SLC22A8: variants seen among roughly 807,000 people sequenced by gnomAD.
SLC22A8 encodes the protein solute carrier family 22 member 8, also known as organic anion transporter 3.
Under a neutral mutation model 48.4 loss-of-function variants are expected in SLC22A8, and 40 were observed. That is an observed-to-expected ratio of 0.83 (90% CI 0.64 to 1.08). The LOEUF is 1.08. Among genes scored for constraint, SLC22A8 ranks in the 50% least tolerant of loss-of-function variants. The probability of loss-of-function intolerance (pLI) is 0.00; values close to 1 mark genes in which losing one functional copy is unlikely to be tolerated. For missense variants in SLC22A8, 606 were observed against 699.0 expected, an observed-to-expected ratio of 0.87 and a Z score of 1.50; for synonymous variants, 268 against 286.3, an observed-to-expected ratio of 0.94 and a Z score of 0.65.
At chr11:62,994,475 G>T in intron 8 of SLC22A8, 67 bp downstream of exon 8, 1 of 1,217,434 alleles carries the variant, frequency 8.2e-7, no homozygotes, top group Non-Finnish European at 1.2e-6. Flanking sequence ...AGAGCCAGCA[G>T]TGAAGTCCCT....
At chr11:62,995,471 T>G (rs2086404864) in intron 7 of SLC22A8, 3 of 549,300 alleles carry the variant, frequency 5.5e-6, no homozygotes, top group Non-Finnish European at 6.5e-6. Flanking sequence ...GTCCTGTGGG[T>G]GAGGGGTGGG....
At chr11:63,003,616 T>G (rs2086522881) in intron 2 of SLC22A8, among the ~76,000 whole-genome samples, 1 of 152,228 alleles carries the variant, frequency 6.6e-6, no homozygotes, top group Admixed American at 6.5e-5. Context: ...TTCACCTAAA[T>G]TCATTCACCC....
Position 62,995,822 on chromosome 11 carries a change from T to A in SLC22A8, c.886-3A>T. 6.2e-7 allele frequency: 1 copy of A among 1,610,272 alleles called. No homozygotes were observed. On this transcript the variant is annotated splice_region_variant and splice_polypyrimidine_tract_variant and intron_variant, in intron 6 of 10. Coordinates refer to ENST00000336232, the MANE Select transcript of SLC22A8 (RefSeq NM_004254.4). ...TTCTGCAGGTTGAGTTTGAGCTCCT[T>A]CGGGCAGAGGAGGGGGAGGGGTGCC...
intron 2 of SLC22A8, among the ~76,000 whole-genome samples, chr11:63,001,378 C>T (rs1044504703): frequency 6.6e-5 from 10 of 152,180 alleles, no homozygotes; most frequent in African/African-American, 2.2e-4. Flanking sequence ...ATCCTTTGAA[C>T]GAGGAGCTGT....
intron 2 of SLC22A8, among the ~76,000 whole-genome samples, chr11:63,003,712 A>G (rs2086523828): frequency 6.6e-6 from 1 of 152,158 alleles, no homozygotes; most frequent in African/African-American, 2.4e-5. Flanking sequence ...TGTGAGTAGA[A>G]GAGATGTATG....
At position 62,995,756 on chromosome 11, in the gene SLC22A8, G is replaced by A; in HGVS notation, c.949C>T (p.Leu317=). The A allele has an allele frequency of 6.2e-7, 1 of 1,614,184 alleles. No homozygotes were observed. ...LAKAKYTASD[L]FRIPMLRRMT... ...CGGCGCAGCATGGGTATCCGGAACA[G>A]GTCACTTGCGGTGTACTTGGCCTTG... Residue 317 remains leucine, a synonymous_variant, in exon 7 of 11, where the codon CTG becomes TTG. Coordinates refer to ENST00000336232, the MANE Select transcript of SLC22A8 (RefSeq NM_004254.4).
In SLC22A8 at chr11:62,992,969, G is replaced by T; in HGVS notation, c.*268C>A. 1.9e-6 allele frequency: 1 copy of T among 513,188 alleles called. No individual in the cohort carries two copies. Among genetic ancestry groups the T allele is most frequent in the Non-Finnish European group, 3.4e-6 (1 of 290,256 alleles). 31.8% of individuals were successfully genotyped at this position (513,188 alleles called of 1,614,324 possible). ...GGGGACCTCAGGGGAAGAGGACCGG[G>T]ACAGTGGGGGAAGGTGGCCAGTGGG... On this transcript the variant is annotated 3_prime_UTR_variant, in exon 11 of 11. Coordinates refer to ENST00000336232, the MANE Select transcript of SLC22A8 (RefSeq NM_004254.4).
chr11:63,004,378 C>T lies in SLC22A8; in HGVS notation c.334-3555G>A, dbSNP rs904191588. 2.6e-5 allele frequency among the ~76,000 whole-genome samples: 4 copies of T among 152,222 alleles called. No homozygotes were observed. The East Asian group carries it at 7.7e-4, about 29-fold the overall frequency. On this transcript the variant is annotated intron_variant, in intron 2 of 10. Coordinates refer to ENST00000336232, the MANE Select transcript of SLC22A8 (RefSeq NM_004254.4). ...GTCACCTCTCTGCTCTTACCTGCTA[C>T]TGCCCTCTCCCTCACATACTCCACT...
intron 5 of SLC22A8, among the ~76,000 whole-genome samples, chr11:62,996,477 C>T (rs899976444): frequency 6.6e-6 from 1 of 152,206 alleles, no homozygotes; most frequent in African/African-American, 2.4e-5. Context: ...GAGGGGATGG[C>T]ATGTTCAAGG....
At chr11:63,010,135 C>G (rs1315225259) in intron 2 of SLC22A8, among the ~76,000 whole-genome samples, 1 of 152,228 alleles carries the variant, frequency 6.6e-6, no homozygotes, top group Non-Finnish European at 1.5e-5. Context: ...TGCTGTGTGC[C>G]AGGCCCTGGG....
Position 62,993,581 on chromosome 11 carries a change from T to C in SLC22A8, c.1372A>G (p.Met458Val). The change falls in exon 10 of 11, where the codon ATG (methionine) becomes GTG (valine). Residue 458 changes from methionine to valine, a missense_variant. By Grantham distance (21) the Met-to-Val change is conservative (BLOSUM62 1). Transcript: ENST00000336232. Reference protein sequence around the residue: ...VSNLWTRVGSMVSPLVKITGE... With the variant: ...VSNLWTRVGSVVSPLVKITGE... ...GTGATTTTCACCAGCGGGGACACCA[T>C]GCTTCCCACGCGGGTCCACAGGTTA... 1 of 1,613,564 alleles carries C rather than the reference T, an allele frequency of 6.2e-7. No homozygotes were observed. The highest frequency in any genetic ancestry group is 8.5e-7 in the Non-Finnish European group (1 of 1,179,536).
chr11:63,008,744 A>G (rs2086584144), intron 2 of SLC22A8, among the ~76,000 whole-genome samples: 1 of 152,136 alleles, frequency 6.6e-6, no homozygotes, highest in South Asian at 2.1e-4. Flanking sequence ...ATGCAGTAGA[A>G]AGGGCATGGA....
intron 8 of SLC22A8, 133 bp downstream of exon 8, chr11:62,994,409 C>T (rs770537147): frequency 6.1e-6 from 4 of 660,568 alleles, no homozygotes; most frequent in South Asian, 3.8e-5. Context: ...AGAAGAGAGA[C>T]CCTGAGCCCC....
In SLC22A8 at chr11:63,014,689, C is replaced by T. The variant is rs1330927645; in HGVS notation, c.270G>A (p.Arg90=). 2 of 1,613,756 alleles carry T rather than the reference C, an allele frequency of 1.2e-6. No homozygotes were observed. Among genetic ancestry groups the T allele is most frequent in the Admixed American group, 3.3e-5 (2 of 59,980 alleles). ...PNASLPNDTQ[R]AMEPCLDGWV... ...AGCCATCCAGGCATGGCTCCATGGC[C>T]CTCTGGGTGTCATTGGGCAGGCTGG... The change falls in exon 2 of 11, where the codon AGG becomes AGA. Residue 90 remains arginine (R), a synonymous_variant. Transcript: ENST00000336232.
chr11:62,999,936 A>C, intron 3 of SLC22A8, 94 bp from the exon 4 acceptor site: 1 of 1,078,910 alleles, frequency 9.3e-7, no homozygotes, highest in Non-Finnish European at 1.2e-6. Context: ...GCTGAATCCG[A>C]CCCCCAACCT....
intron 6 of SLC22A8, 21 bp downstream of exon 6, chr11:62,996,008 A>G: frequency 3.1e-6 from 5 of 1,614,010 alleles, no homozygotes; most frequent in South Asian, 1.1e-5. Context: ...CTGCTCCCAG[A>G]CTATAGTCCT....
chr11:63,000,858 G>C, intron 2 of SLC22A8, 35 bp from the exon 3 acceptor site: 1 of 1,515,732 alleles, frequency 6.6e-7, no homozygotes, highest in Non-Finnish European at 9.2e-7. Context: ...GCCTAACTCA[G>C]TGTAGACAGC....
chr11:63,001,138 C>A, intron 2 of SLC22A8: 1 of 377,334 alleles, frequency 2.7e-6, no homozygotes. Context: ...TTTGCCTCCT[C>A]CCTGCCCCTC....
At chr11:63,000,945 C>G in intron 2 of SLC22A8, 122 bp from the exon 3 acceptor site, 2 of 715,960 alleles carry the variant, frequency 2.8e-6, no homozygotes, top group Non-Finnish European at 4.9e-6. Context: ...CCCCTACCTC[C>G]CAAGGACCGT....
Sources: gnomAD v4.1 joint callset for allele counts (sites outside exome capture counted in the v4.1 genomes callset) on GRCh38, gnomAD v4.1.1 for gene constraint, MANE v1.5 for transcripts, NCBI Gene and HGNC (gene_info 2026-07-23, HGNC 2026-07-21) for gene names.